Variants in CDK5RAP3 observed in about 807,000 individuals in gnomAD.
CDK5RAP3 encodes CDK5 regulatory subunit associated protein 3.
Under a neutral mutation model 73.3 loss-of-function variants are expected in CDK5RAP3, and 58 were observed. The ratio of observed to expected loss-of-function variants is 0.79; its 90% CI spans 0.64 to 0.98. CDK5RAP3 has a LOEUF of 0.98. Among genes scored for constraint, CDK5RAP3 ranks in the 50% least tolerant of loss-of-function variants. The probability of loss-of-function intolerance (pLI) is 0.00; values close to 1 mark genes in which losing one functional copy is unlikely to be tolerated. For synonymous variants in CDK5RAP3, 224 were observed against 247.5 expected, an observed-to-expected ratio of 0.91 and a Z score of 0.89; for missense variants, 525 against 615.8, an observed-to-expected ratio of 0.85 and a Z score of 1.56.
At chr17:47,973,672 C>T (rs762864767) in intron 3 of CDK5RAP3, 22 bp downstream of exon 3, 64 of 1,612,342 alleles carry the variant, frequency 4.0e-5, no homozygotes, top group Non-Finnish European at 5.1e-5. Flanking sequence ...GGGGCTGTCA[C>T]TGGAGTCCCC....
At chr17:47,970,213 A>G (rs2036232412), upstream of CDK5RAP3, among the ~76,000 whole-genome samples, 3 of 152,104 alleles carry the variant, frequency 2.0e-5, no homozygotes, top group Admixed American at 6.6e-5. Context: ...AAGTTCCTTA[A>G]TAAGTCTCCC....
At chr17:47,980,118 AG>A (rs1343075254) in intron 11 of CDK5RAP3, 8 of 164,442 alleles carry the variant, frequency 4.9e-5, no homozygotes, top group Non-Finnish European at 5.3e-5. Flanking sequence ...TGGGGACTGA[AG>A]GGTGACAGTA....
intron 8 of CDK5RAP3, 53 bp from the exon 9 acceptor site, chr17:47,976,659 C>A: frequency 7.9e-7 from 1 of 1,259,040 alleles, no homozygotes; most frequent in Non-Finnish European, 1.2e-6. Context: ...CCACCATGCC[C>A]GGCCCTTTTT....
At chr17:47,975,788 T>C in intron 7 of CDK5RAP3, 81 bp from the exon 8 acceptor site, 1 of 1,601,190 alleles carries the variant, frequency 6.2e-7, no homozygotes, top group African/African-American at 1.3e-5. Context: ...CCTTGCCCAT[T>C]TGACCATGTG....
rs746493569 is a variant in CDK5RAP3 at position 47,981,510 on chromosome 17, C to T, written c.*8C>T. The stretch of plus-strand genomic sequence containing the variant: ...ATGGGAACCTCTCTGTGACACCCTC[C>T]GTGTTCTTGCCTGCCCATCTTCTCC... On this transcript the variant is annotated 3_prime_UTR_variant, in exon 14 of 14. Coordinates refer to ENST00000338399, the MANE Select transcript of CDK5RAP3 (RefSeq NM_176096.3). The T allele has an allele frequency of 1.4e-5, 23 of 1,614,116 alleles. No homozygotes were observed. Among genetic ancestry groups the T allele is most frequent in the South Asian group, 6.6e-5 (6 of 91,090 alleles).
intron 10 of CDK5RAP3, 158 bp downstream of exon 10, chr17:47,978,068 G>T: frequency 2.6e-6 from 1 of 377,580 alleles, no homozygotes; most frequent in Non-Finnish European, 4.5e-6. Flanking sequence ...GACCAAGAGA[G>T]GTTTTTTTTT....
At chr17:47,970,642 A>C, upstream of CDK5RAP3, 3 of 1,535,172 alleles carry the variant, frequency 2.0e-6, no homozygotes, top group Non-Finnish European at 2.6e-6. Flanking sequence ...AGAGAAACTG[A>C]ATGAGGAGGC....
intron 11 of CDK5RAP3, 167 bp from the exon 12 acceptor site, chr17:47,980,426 G>T: frequency 1.5e-6 from 1 of 676,860 alleles, no homozygotes; most frequent in Non-Finnish European, 2.6e-6. Context: ...ACACCACCAT[G>T]TTTGGCTAAT....
Position 47,975,966 on chromosome 17 carries a change from G to C in CDK5RAP3, c.751G>C (p.Glu251Gln), listed in dbSNP as rs747988734. 2.5e-5 allele frequency: 40 copies of C among 1,614,058 alleles called. No homozygotes were observed. The highest frequency in any genetic ancestry group is 3.2e-5 in the Non-Finnish European group (38 of 1,180,048). Residue 251 changes from glutamate to glutamine, a missense_variant, in exon 8 of 14, where the codon GAA becomes CAA. Around this residue, in one of 2 missense-constraint regions of CDK5RAP3, gnomAD observed 409 missense variants for 429.8 expected, o/e 0.95. Transcript: ENST00000338399. The part of the protein sequence containing the change: ...WRTGTEPSVV[E>Q]RPHLEELPEQ... ...GACAGGGACAGAGCCCTCTGTGGTG[G>C]AACGACCCCACCTCGAGGAGCTTCC...
At chr17:47,976,673 T>TGGG (rs1162984241) in intron 8 of CDK5RAP3, 39 bp from the exon 9 acceptor site, 1 of 1,429,062 alleles carries the variant, frequency 7.0e-7, no homozygotes, top group Non-Finnish European at 9.8e-7. Context: ...CCTTTTTAAA[T>TGGG]CCATCTTCCA....
chr17:47,978,844 C>A lies in CDK5RAP3; in HGVS notation c.1004C>A (p.Ala335Asp). 6.2e-7 allele frequency: 1 copy of A among 1,613,740 alleles called. No homozygotes were observed. The highest frequency in any genetic ancestry group is 8.5e-7 in the Non-Finnish European group (1 of 1,179,762). ...TTCCTGGCAGCTCCAGAAGGTGTTGCCAGGGGCCCAGATGCCCTGACACTG... is the reference window on the plus strand; with the variant it reads ...TTCCTGGCAGCTCCAGAAGGTGTTGACAGGGGCCCAGATGCCCTGACACTG... ...EAGTQAPEGVARGPDALTLLE... is the reference protein window; with the variant it reads ...EAGTQAPEGVDRGPDALTLLE... The change falls in exon 11 of 14, where the codon GCC becomes GAC. Residue 335 changes from alanine to aspartate, a missense_variant. Physicochemically the swap from Ala to Asp is moderately radical, Grantham distance 126. This residue lies in a region of CDK5RAP3 where 409 missense variants were observed against 429.8 expected (regional missense o/e 0.95). Transcript: ENST00000338399.
chr17:47,975,444 G>A (rs192054881), intron 6 of CDK5RAP3, 70 bp from the exon 7 acceptor site: 3 of 1,608,878 alleles, frequency 1.9e-6, no homozygotes, highest in East Asian at 2.2e-5. Context: ...TTGGGCCAGT[G>A]TCTTACTTTT....
Position 47,981,667 on chromosome 17 carries a change from T to C in CDK5RAP3, c.*165T>C, listed in dbSNP as rs1011402758. 7.1e-6 allele frequency: 11 copies of C among 1,539,934 alleles called. No individual in the cohort carries two copies. The Admixed American group carries it at 2.0e-4, about 27-fold the overall frequency. On this transcript the variant is annotated 3_prime_UTR_variant, in exon 14 of 14. Transcript: ENST00000338399. Reference sequence around the variant, plus strand: ...ATGGTGATCTTGGCACTCTCCATGTTCTCTACAAGAAGCTGTGGTGATTGG... The same window carrying C: ...ATGGTGATCTTGGCACTCTCCATGTCCTCTACAAGAAGCTGTGGTGATTGG...
At chr17:47,970,225 T>C (rs2036232617), upstream of CDK5RAP3, among the ~76,000 whole-genome samples, 4 of 152,182 alleles carry the variant, frequency 2.6e-5, no homozygotes, top group African/African-American at 9.7e-5. Flanking sequence ...AAGTCTCCCT[T>C]TGATATGGCC....
intron 9 of CDK5RAP3, among the ~76,000 whole-genome samples, chr17:47,977,584 G>T (rs1276138658): frequency 6.6e-6 from 1 of 152,170 alleles, no homozygotes; most frequent in African/African-American, 2.4e-5. Context: ...CAGCCCATGT[G>T]AGAGTTAAAT....
intron 6 of CDK5RAP3, 87 bp from the exon 7 acceptor site, chr17:47,975,427 A>G (rs2597172): frequency 0.73 from 1,167,192 of 1,604,340 alleles, 426,249 homozygotes; most frequent in East Asian, 0.78. Context: ...GCCTGGTTGC[A>G]CCCCCTTTGG....
chr17:47,971,021 G>A (rs1434963308), upstream of CDK5RAP3: 3 of 1,518,376 alleles, frequency 2.0e-6, no homozygotes, highest in Admixed American at 2.1e-5. Context: ...TGGCTGTACG[G>A]AAGGCGGCGA....
intron 5 of CDK5RAP3, 149 bp from the exon 6 acceptor site, chr17:47,975,010 C>CAACTT: frequency 6.4e-7 from 1 of 1,568,446 alleles, no homozygotes; most frequent in Non-Finnish European, 8.6e-7. Flanking sequence ...AGGGGTTAAA[C>CAACTT]AACTTGTCTT....
chr17:47,975,754 TTTACACACCTGA>T, intron 7 of CDK5RAP3, 101 bp downstream of exon 7: 1 of 1,577,600 alleles, frequency 6.3e-7, no homozygotes, highest in Non-Finnish European at 8.6e-7. Context: ...ATTTGAACTC[TTTACACACCTGA>T]ACCTGTGGGG....
Sources: allele counts gnomAD v4.1 joint callset (sites outside exome capture counted in the v4.1 genomes callset), GRCh38; gene constraint gnomAD v4.1.1; regional missense constraint gnomAD v4.1.1; transcripts MANE v1.5; gene names NCBI Gene and HGNC (gene_info 2026-07-23, HGNC 2026-07-21).